KCNQ1: variants seen among roughly 807,000 people sequenced by gnomAD.
KCNQ1 encodes potassium voltage-gated channel subfamily Q member 1, also known as potassium voltage-gated channel subfamily KQT member 1.
A neutral mutation model predicts 72.4 loss-of-function variants in KCNQ1; 49 were observed. The ratio of observed to expected loss-of-function variants is 0.68; its 90% confidence interval spans 0.54 to 0.86. The LOEUF is 0.86. KCNQ1 is among the 40% of genes least tolerant of loss of function. The pLI is 0.00. For synonymous variants in KCNQ1, 450 were observed against 412.6 expected, an observed-to-expected ratio of 1.09 and a Z score of -1.10; for missense variants, 790 against 945.1, an observed-to-expected ratio of 0.84 and a Z score of 2.15.
intron 4 of KCNQ1, among the ~76,000 whole-genome samples, chr11:2,571,658 C>G (rs1196701498): frequency 2.6e-5 from 4 of 152,078 alleles, no homozygotes; most frequent in Admixed American, 2.6e-4. Context: ...CTCTGAACTT[C>G]CAGGACTTGG....
In KCNQ1 at chr11:2,762,382, C is replaced by A. The variant is rs561933875; in HGVS notation, c.1515-6462C>A. ...GACTCTCCCTGGGTTAACTTTGTGA[C>A]CGGTGTGTGGTAAGGATCATGGTTG... On this transcript the variant is annotated intron_variant, in intron 11 of 15. Transcript: ENST00000155840. This position sits in a 1 kb window ranked among gnomAD's most constrained non-coding sequence, Gnocchi z 4.3. Among the ~76,000 whole-genome samples the A allele has an allele frequency of 5.6e-4, 86 of 152,300 alleles. No individual in the cohort carries two copies. Among genetic ancestry groups the A allele is most frequent in the African/African-American group, 2.0e-3 (85 of 41,558 alleles).
In KCNQ1 at chr11:2,620,155, T is replaced by C; in HGVS notation, c.1393+31301T>C. ...CATTAATTTGCTTAAGATAGTGGCC[T>C]CTAGCTGCATCCATGTTGCTGCAAA... is the stretch of plus-strand genomic sequence containing the variant. On this transcript the variant is annotated intron_variant, in intron 10 of 15. Transcript: ENST00000155840. This position sits in a 1 kb window ranked among gnomAD's most constrained non-coding sequence, Gnocchi z 4.5. 2 of 396,928 alleles carry C rather than the reference T, an allele frequency of 5.0e-6. No homozygotes were observed. The highest frequency in any genetic ancestry group is 8.8e-5 in the Admixed American group (2 of 22,688). The allele number at this position is 396,928 out of a possible 1,614,324, so 24.6% of individuals were successfully genotyped here.
At position 2,674,472 on chromosome 11, in the gene KCNQ1, G is replaced by A. The variant is rs552249622; in HGVS notation, c.1514+12391G>A. The A allele has an allele frequency of 1.4e-4, 57 of 398,656 alleles. No homozygotes were observed. The Admixed American group carries it at 1.7e-3, about 12-fold the overall frequency. 24.7% of individuals were successfully genotyped at this position (398,656 alleles called of 1,614,324 possible). On this transcript the variant is annotated intron_variant, in intron 11 of 15. Coordinates refer to ENST00000155840, the MANE Select transcript of KCNQ1 (RefSeq NM_000218.3). This position sits in a 1 kb window ranked among gnomAD's most constrained non-coding sequence, Gnocchi z 5.9. ...CACGTGGGGAGGAGGGCTGCCTGTC[G>A]AGATGTGTAAGATGGCCCCAGTGTT...
At chr11:2,685,835 T>G (rs1850479164) in intron 11 of KCNQ1, 1 of 398,714 alleles carries the variant, frequency 2.5e-6, no homozygotes, top group Non-Finnish European at 4.4e-6. Context: ...CGAGGCTGTT[T>G]CCCAGGCTGC....
intron 11 of KCNQ1, chr11:2,688,155 C>G (rs1850523824): frequency 2.5e-6 from 1 of 398,824 alleles, no homozygotes; most frequent in Non-Finnish European, 4.4e-6. Flanking sequence ...CCACGCAGCT[C>G]CCTAGGCCTC....
At chr11:2,615,102 TC>T in intron 10 of KCNQ1, 1 of 398,326 alleles carries the variant, frequency 2.5e-6, no homozygotes, top group East Asian at 3.6e-5. Context: ...AGTGCAGAAG[TC>T]TTTCACCTTC....
rs1036214617 is a variant in KCNQ1 at position 2,564,033 on chromosome 11, C to T, written c.478-6595C>T. On this transcript the variant is annotated intron_variant, in intron 2 of 15. Coordinates refer to ENST00000155840, the MANE Select transcript of KCNQ1 (RefSeq NM_000218.3). The surrounding 1 kb of genome is among the most constrained non-coding windows in gnomAD (Gnocchi z 4.5). ...TTTTGGAGACCTGACCCGCGGGAGC[C>T]CAGGTGAGCAACCGCCACGGGCCAG... Among the ~76,000 whole-genome samples the T allele has an allele frequency of 2.6e-5, 4 of 152,206 alleles. No homozygotes were observed. The highest frequency in any genetic ancestry group is 5.9e-5 in the Non-Finnish European group (4 of 68,042).
In KCNQ1 at chr11:2,682,053, C is replaced by A; in HGVS notation, c.1514+19972C>A. 2.5e-6 allele frequency: 1 copy of A among 398,600 alleles called. No individual in the cohort carries two copies. The highest frequency in any genetic ancestry group is 4.4e-6 in the Non-Finnish European group (1 of 226,062). The allele number at this position is 398,600 out of a possible 1,614,324, so 24.7% of individuals were successfully genotyped here. A position where few individuals can be genotyped will look rare whatever the true frequency, so the allele number is the denominator to read the frequency against. ...TTATCACTCCTGTTTTATAGATAAT[C>A]TCCTAAGGGTTGAGGGATTGAGTCT... On this transcript the variant is annotated intron_variant, in intron 11 of 15. Transcript: ENST00000155840. This position sits in a 1 kb window ranked among gnomAD's most constrained non-coding sequence, Gnocchi z 5.8.
At chr11:2,680,257 C>T (rs998120866) in intron 11 of KCNQ1, 1 of 396,776 alleles carries the variant, frequency 2.5e-6, no homozygotes, top group African/African-American at 2.1e-5. Flanking sequence ...ATTCATATCC[C>T]ATTGGCATTT....
intron 2 of KCNQ1, among the ~76,000 whole-genome samples, chr11:2,533,106 T>G (rs1288149010): frequency 1.3e-5 from 2 of 152,114 alleles, no homozygotes; most frequent in African/African-American, 4.8e-5. Flanking sequence ...AGCACGATGT[T>G]TAAATGTTGG....
intron 15 of KCNQ1, among the ~76,000 whole-genome samples, chr11:2,836,620 G>A: frequency 6.6e-6 from 1 of 152,210 alleles, no homozygotes; most frequent in East Asian, 1.9e-4. Flanking sequence ...ACAGAAAGGA[G>A]GGCTGCACAG....
chr11:2,770,964 G>A (rs1299223690), intron 12 of KCNQ1, among the ~76,000 whole-genome samples: 1 of 152,260 alleles, frequency 6.6e-6, no homozygotes, highest in Non-Finnish European at 1.5e-5. Context: ...GGGCCAGGGT[G>A]TGTCAGTTCG....
intron 1 of KCNQ1, among the ~76,000 whole-genome samples, chr11:2,519,490 T>TA (rs1847343505): frequency 6.6e-6 from 1 of 152,182 alleles, no homozygotes; most frequent in South Asian, 2.1e-4. Context: ...CATGGTGGCT[T>TA]ACGCCTGTAA....
At chr11:2,569,645 C>A (rs1848298065) in intron 2 of KCNQ1, among the ~76,000 whole-genome samples, 1 of 152,214 alleles carries the variant, frequency 6.6e-6, no homozygotes, top group South Asian at 2.1e-4. Flanking sequence ...TCCAGCCCCA[C>A]ACACCTTCCC....
Position 2,817,297 on chromosome 11 carries a change from A to C in KCNQ1, c.1795-30470A>C, listed in dbSNP as rs1847635224. On this transcript the variant is annotated intron_variant, in intron 15 of 15. Transcript: ENST00000155840. This position sits in a 1 kb window ranked among gnomAD's most constrained non-coding sequence, Gnocchi z 6.1. ...TCAGATGTTTTTAACTACGTTGGACAGAACCCACGGCGGCCCTTTCCGTGG... is the reference window on the plus strand; with the variant it reads ...TCAGATGTTTTTAACTACGTTGGACCGAACCCACGGCGGCCCTTTCCGTGG... Among the ~76,000 whole-genome samples, 1 of 152,168 alleles carries C rather than the reference A, an allele frequency of 6.6e-6. No homozygotes were observed. The highest frequency in any genetic ancestry group is 2.1e-4 in the South Asian group (1 of 4,822).
chr11:2,535,003 G>T (rs998115791), intron 2 of KCNQ1, among the ~76,000 whole-genome samples: 1 of 152,180 alleles, frequency 6.6e-6, no homozygotes, highest in South Asian at 2.1e-4. Flanking sequence ...AGGCCCAGAG[G>T]ACTTGACAGA....
intron 11 of KCNQ1, chr11:2,681,570 C>T (rs758653571): frequency 5.0e-6 from 2 of 398,384 alleles, no homozygotes; most frequent in African/African-American, 2.1e-5. Flanking sequence ...AGTAACTTCC[C>T]TTTTCAGGAA....
rs1564810178 is a variant in KCNQ1 at position 2,538,041 on chromosome 11, T to A, written c.477+10023T>A. Among the ~76,000 whole-genome samples, 1 of 152,130 alleles carries A rather than the reference T, an allele frequency of 6.6e-6. No individual in the cohort carries two copies. Among genetic ancestry groups the A allele is most frequent in the Non-Finnish European group, 1.5e-5 (1 of 68,010 alleles). ...CTGCTTTGTTTTTATCCTGAGTCAT[T>A]TGAGAGTAAGTTGGAGGCAGTATGA... On this transcript the variant is annotated intron_variant, in intron 2 of 15. Transcript: ENST00000155840. The surrounding 1 kb of genome is among the most constrained non-coding windows in gnomAD (Gnocchi z 6.7).
Position 2,482,955 on chromosome 11 carries a change from C to T in KCNQ1, c.386+37471C>T, listed in dbSNP as rs762512490. Among the ~76,000 whole-genome samples the T allele has an allele frequency of 1.3e-5, 2 of 152,018 alleles. No homozygotes were observed. Among genetic ancestry groups the T allele is most frequent in the African/African-American group, 2.4e-5 (1 of 41,378 alleles). ...CGGCATGGCGTGGTAATGCATGGTG[C>T]GTGTCTCTTAGCAGTAAGACCTTGA... On this transcript the variant is annotated intron_variant, in intron 1 of 15. Coordinates refer to ENST00000155840, the MANE Select transcript of KCNQ1 (RefSeq NM_000218.3). The surrounding 1 kb of genome is among the most constrained non-coding windows in gnomAD (Gnocchi z 5.7).
Sources: gnomAD v4.1 joint callset for allele counts (sites outside exome capture counted in the v4.1 genomes callset) on GRCh38, gnomAD v4.1.1 for gene constraint, Gnocchi (gnomAD v3.1) non-coding constraint, MANE v1.5 for transcripts, NCBI Gene and HGNC (gene_info 2026-07-23, HGNC 2026-07-21) for gene names.